RAB3C: variants seen among roughly 807,000 people sequenced by gnomAD.
The protein encoded by RAB3C is ras-related protein Rab-3C.
RAB3C carries 17 observed loss-of-function variants against 26.4 expected under a neutral mutation model. The ratio of observed to expected loss-of-function variants is 0.64; its 90% CI spans 0.44 to 0.97. The LOEUF (loss-of-function observed/expected upper bound fraction) is 0.97. Ranked by LOEUF, RAB3C falls within the 50% of genes least tolerant of loss-of-function variation. The pLI is 0.00. For synonymous variants in RAB3C, 91 were observed against 95.9 expected, an observed-to-expected ratio of 0.95 and a Z score of 0.30; for missense variants, 242 against 281.9, an observed-to-expected ratio of 0.86 and a Z score of 1.01.
At chr5:58,670,066 A>G (rs1748081424) in intron 2 of RAB3C, among the ~76,000 whole-genome samples, 1 of 152,264 alleles carries the variant, frequency 6.6e-6, no homozygotes, top group South Asian at 2.1e-4. Context: ...GCCTTTCTCC[A>G]TATTCTGAGA....
At chr5:58,745,434 TATA>T (rs1741383959) in intron 3 of RAB3C, among the ~76,000 whole-genome samples, 1 of 133,342 alleles carries the variant, frequency 7.5e-6, no homozygotes, top group African/African-American at 2.9e-5. Flanking sequence ...GTAGATGGGG[TATA>T]ATAAGCCCAA....
At chr5:58,737,476 C>T (rs1386863719) in intron 3 of RAB3C, among the ~76,000 whole-genome samples, 1 of 136,014 alleles carries the variant, frequency 7.4e-6, no homozygotes, top group Non-Finnish European at 1.6e-5. Context: ...TGTTTATTGG[C>T]TGTCTACCTA....
chr5:58,707,311 A>G (rs933657828), intron 2 of RAB3C, among the ~76,000 whole-genome samples: 1 of 152,238 alleles, frequency 6.6e-6, no homozygotes, highest in East Asian at 1.9e-4. Context: ...AACCCAAATC[A>G]TGAACATGAA....
chr5:58,583,135 C>A lies in RAB3C; in HGVS notation c.-74C>A, dbSNP rs556092961. The A allele has an allele frequency of 6.8e-6, 11 of 1,611,032 alleles. No homozygotes were observed. The South Asian group carries it at 1.2e-4, about 18-fold the overall frequency. On this transcript the variant is annotated 5_prime_UTR_variant, in exon 1 of 5. Coordinates refer to ENST00000282878, the MANE Select transcript of RAB3C (RefSeq NM_138453.4). ...AGTGCAGAGTGTGGAGCGTGGAGCG[C>A]CGGGACTGTGCACGCTTGACCGGAA...
intron 3 of RAB3C, among the ~76,000 whole-genome samples, chr5:58,753,919 T>G (rs1741590396): frequency 1.3e-5 from 2 of 152,080 alleles, no homozygotes; most frequent in Admixed American, 1.3e-4. Flanking sequence ...ATATTGCAAC[T>G]TGTAAAGGTT....
chr5:58,752,708 A>C (rs886628092), intron 3 of RAB3C, among the ~76,000 whole-genome samples: 1 of 152,178 alleles, frequency 6.6e-6, no homozygotes, highest in African/African-American at 2.4e-5. Context: ...CTTTGGGGGA[A>C]TTATAGAGAT....
chr5:58,811,470 C>T (rs1237699929), intron 3 of RAB3C, among the ~76,000 whole-genome samples: 2 of 149,978 alleles, frequency 1.3e-5, no homozygotes, highest in African/African-American at 5.0e-5. Context: ...AGAGGGGTCA[C>T]AAAGGTAAAT....
At chr5:58,710,783 G>A (rs1338981684) in intron 2 of RAB3C, among the ~76,000 whole-genome samples, 5 of 151,934 alleles carry the variant, frequency 3.3e-5, no homozygotes, top group Non-Finnish European at 5.9e-5. Context: ...CTATGTGCTC[G>A]CTCTCTCTAT....
intron 2 of RAB3C, among the ~76,000 whole-genome samples, chr5:58,709,055 C>G (rs1413252247): frequency 6.6e-6 from 1 of 152,050 alleles, no homozygotes; most frequent in African/African-American, 2.4e-5. Flanking sequence ...GCTTTTTACT[C>G]TTATTTTCTG....
chr5:58,826,632 CAA>C (rs1162235564), intron 4 of RAB3C, among the ~76,000 whole-genome samples: 1 of 152,112 alleles, frequency 6.6e-6, no homozygotes, highest in Non-Finnish European at 1.5e-5. Flanking sequence ...TTCTGTAAAA[CAA>C]AAGTTTTACA....
At chr5:58,794,097 G>C (rs1301981714) in intron 3 of RAB3C, among the ~76,000 whole-genome samples, 2 of 152,078 alleles carry the variant, frequency 1.3e-5, no homozygotes, top group Non-Finnish European at 2.9e-5. Context: ...TATTAAAATG[G>C]AAGGCCTTCT....
intron 3 of RAB3C, among the ~76,000 whole-genome samples, chr5:58,799,790 C>G (rs1417988822): frequency 1.3e-5 from 2 of 152,142 alleles, no homozygotes; most frequent in Non-Finnish European, 2.9e-5. Context: ...TGAATCCTGA[C>G]TTTTCATCAT....
chr5:58,824,476 A>T (rs1025511459), intron 3 of RAB3C, among the ~76,000 whole-genome samples: 1 of 152,232 alleles, frequency 6.6e-6, no homozygotes, highest in Non-Finnish European at 1.5e-5. Context: ...TTATAAAGGT[A>T]AGGCATGAAC....
intron 3 of RAB3C, among the ~76,000 whole-genome samples, chr5:58,750,360 C>T (rs1051618454): frequency 1.3e-5 from 2 of 152,176 alleles, no homozygotes; most frequent in African/African-American, 4.8e-5. Flanking sequence ...TCAAGGGCAG[C>T]TATCTCATTT....
rs1282864760 is a variant in RAB3C at position 58,858,183 on chromosome 5, G to T, written c.*6832G>T. 1 of 152,170 alleles carries T rather than the reference G, an allele frequency of 6.6e-6. No homozygotes were observed. Among genetic ancestry groups the T allele is most frequent in the Non-Finnish European group, 1.5e-5 (1 of 68,042 alleles). The allele number at this position is 152,170 out of a possible 1,614,324, so 9.4% of individuals were successfully genotyped here. A position where few individuals can be genotyped will look rare whatever the true frequency, so the allele number is the denominator to read the frequency against. Reference sequence around the variant, plus strand: ...GAGGATGTGCCAATCATATTAAATGGATTTGGTCTATGTGGGTGATATGTG... The same window carrying T: ...GAGGATGTGCCAATCATATTAAATGTATTTGGTCTATGTGGGTGATATGTG... On this transcript the variant is annotated 3_prime_UTR_variant, in exon 5 of 5. Transcript: ENST00000282878.
At chr5:58,787,070 G>C (rs932292851) in intron 3 of RAB3C, among the ~76,000 whole-genome samples, 2 of 152,130 alleles carry the variant, frequency 1.3e-5, no homozygotes, top group African/African-American at 4.8e-5. Context: ...GGTGAAATGA[G>C]TGGCCACTAC....
At chr5:58,688,074 C>G (rs1181927467) in intron 2 of RAB3C, among the ~76,000 whole-genome samples, 1 of 151,876 alleles carries the variant, frequency 6.6e-6, no homozygotes, top group Non-Finnish European at 1.5e-5. Flanking sequence ...TATATAATAC[C>G]AAAAATCATT....
chr5:58,777,750 C>A (rs564444548), intron 3 of RAB3C, among the ~76,000 whole-genome samples: 1 of 149,872 alleles, frequency 6.7e-6, no homozygotes, highest in African/African-American at 2.5e-5. Flanking sequence ...CTCCCCTCCC[C>A]CCACCCCATG....
chr5:58,650,045 C>A (rs1355042537), intron 2 of RAB3C, among the ~76,000 whole-genome samples: 1 of 152,128 alleles, frequency 6.6e-6, no homozygotes, highest in African/African-American at 2.4e-5. Context: ...TTATAATTTA[C>A]AATTTATATG....
Sources: gnomAD v4.1 joint callset for allele counts (sites outside exome capture counted in the v4.1 genomes callset) on GRCh38, gnomAD v4.1.1 for gene constraint, MANE v1.5 for transcripts, NCBI Gene and HGNC (gene_info 2026-07-23, HGNC 2026-07-21) for gene names.